Variants in FAM83B observed in about 807,000 individuals in gnomAD.
The protein encoded by FAM83B is protein FAM83B.
Under a neutral mutation model 38.8 loss-of-function variants are expected in FAM83B, and 26 were observed. That is an observed-to-expected ratio of 0.67 (90% CI 0.49 to 0.93). The LOEUF (loss-of-function observed/expected upper bound fraction) is 0.93, where lower values mean the gene tolerates loss of function less well. Ranked by LOEUF, FAM83B falls within the 40% of genes least tolerant of loss-of-function variation. The probability of loss-of-function intolerance (pLI) is 0.00; values close to 1 mark genes in which losing one functional copy is unlikely to be tolerated. For missense variants in FAM83B, 1,237 were observed against 1,197.3 expected (o/e 1.03, Z -0.49); for synonymous variants, 419 against 423.1 (o/e 0.99, Z 0.12).
intron 2 of FAM83B, among the ~76,000 whole-genome samples, chr6:54,880,902 C>G (rs1028045305): frequency 6.6e-6 from 1 of 152,070 alleles, no homozygotes; most frequent in African/African-American, 2.4e-5. Flanking sequence ...TAGAGACATA[C>G]ATGTATACAC....
At chr6:54,918,169 A>G (rs1773089320) in intron 2 of FAM83B, among the ~76,000 whole-genome samples, 1 of 152,194 alleles carries the variant, frequency 6.6e-6, no homozygotes, top group South Asian at 2.1e-4. Context: ...ACTATAACAT[A>G]CACTTTGAAA....
intron 1 of FAM83B, among the ~76,000 whole-genome samples, chr6:54,859,486 T>C (rs952594683): frequency 1.3e-5 from 2 of 152,228 alleles, no homozygotes; most frequent in Non-Finnish European, 2.9e-5. Context: ...ATTATGTACT[T>C]ACTGAGCATT....
At chr6:54,933,073 T>G (rs993778849) in intron 4 of FAM83B, among the ~76,000 whole-genome samples, 1 of 152,126 alleles carries the variant, frequency 6.6e-6, no homozygotes, top group African/African-American at 2.4e-5. Context: ...TCTGAGCTTC[T>G]CATAATGCAA....
intron 2 of FAM83B, among the ~76,000 whole-genome samples, chr6:54,886,116 C>G (rs543984091): frequency 2.5e-4 from 38 of 152,002 alleles, no homozygotes; most frequent in African/African-American, 8.9e-4. Flanking sequence ...AAGATATCAC[C>G]AATGCAATCC....
rs1772492558 is a variant in FAM83B at position 54,894,802 on chromosome 6, A to T, written c.444+24112A>T. Among the ~76,000 whole-genome samples the T allele has an allele frequency of 2.6e-5, 4 of 152,130 alleles. No homozygotes were observed. In the South Asian group the frequency reaches 8.3e-4, roughly 31 times the overall value. On this transcript the variant is annotated intron_variant, in intron 2 of 4. Transcript: ENST00000306858. ...ACTTAGAAGCAGGGACAAATCTGAT[A>T]TTGTGGTTTTTGAAAAGACACTGTG...
At chr6:54,927,749 AAAAAAG>A in intron 4 of FAM83B, 117 bp downstream of exon 4, 21 of 935,368 alleles carry the variant, frequency 2.2e-5, no homozygotes, top group South Asian at 3.3e-5. Context: ...AAAAAAAAAA[AAAAAAG>A]AGAACACTTG....
intron 1 of FAM83B, among the ~76,000 whole-genome samples, chr6:54,855,653 A>G (rs1473155437): frequency 6.6e-6 from 1 of 152,194 alleles, no homozygotes; most frequent in Non-Finnish European, 1.5e-5. Context: ...AAGAATTAGA[A>G]TAAGACATTT....
intron 2 of FAM83B, among the ~76,000 whole-genome samples, chr6:54,893,585 A>T (rs1772453261): frequency 6.6e-6 from 1 of 152,136 alleles, no homozygotes; most frequent in South Asian, 2.1e-4. Context: ...CACATTTCTG[A>T]TTATGCTGTA....
rs1180539604 is a variant in FAM83B at position 54,941,484 on chromosome 6, C to G, written c.2513C>G (p.Ser838Cys). ...PRRKHSSSSN[S>C]QGSIHKSKED... Reference sequence around the variant, plus strand: ...AGAAAGCATTCTTCCTCATCGAATTCTCAAGGCAGCATCCACAAGAGTAAG... The same window carrying G: ...AGAAAGCATTCTTCCTCATCGAATTGTCAAGGCAGCATCCACAAGAGTAAG... Residue 838 changes from serine (S) to cysteine (C), a missense_variant, in exon 5 of 5, where the codon TCT becomes TGT. Ser to Cys is a moderately radical substitution (Grantham distance 112). Coordinates refer to ENST00000306858, the MANE Select transcript of FAM83B (RefSeq NM_001010872.3). 1.2e-6 allele frequency: 2 copies of G among 1,613,934 alleles called. No individual in the cohort carries two copies. The highest frequency in any genetic ancestry group is 2.2e-5 in the South Asian group (2 of 91,042).
intron 2 of FAM83B, among the ~76,000 whole-genome samples, chr6:54,905,865 T>C (rs779338565): frequency 2.0e-5 from 3 of 152,062 alleles, no homozygotes; most frequent in Non-Finnish European, 2.9e-5. Context: ...ATTTCTGTTT[T>C]TCCCCATTTG....
At position 54,933,258 on chromosome 6, in the gene FAM83B, C is replaced by T. The variant is rs533885660; in HGVS notation, c.734+5626C>T. Reference sequence around the variant, plus strand: ...TGTTGAATCCTTCTAATGAATTATTCAGTTATATTATTTTTTCAGTTCCAG... The same window carrying T: ...TGTTGAATCCTTCTAATGAATTATTTAGTTATATTATTTTTTCAGTTCCAG... On this transcript the variant is annotated intron_variant, in intron 4 of 4. Coordinates refer to ENST00000306858, the MANE Select transcript of FAM83B (RefSeq NM_001010872.3). 8.6e-5 allele frequency among the ~76,000 whole-genome samples: 13 copies of T among 151,316 alleles called. No homozygotes were observed. The South Asian group carries it at 1.3e-3, about 15-fold the overall frequency.
intron 2 of FAM83B, among the ~76,000 whole-genome samples, chr6:54,884,320 A>T (rs1260294181): frequency 7.4e-6 from 1 of 134,504 alleles, no homozygotes; most frequent in Non-Finnish European, 1.7e-5. Flanking sequence ...AAAAAAAAAG[A>T]GAAAAATAGA....
chr6:54,926,756 G>A (rs575752729), intron 3 of FAM83B, among the ~76,000 whole-genome samples: 5 of 152,112 alleles, frequency 3.3e-5, no homozygotes, highest in South Asian at 4.2e-4. Context: ...TTTTTGAGAC[G>A]GAGTCTTGCT....
intron 2 of FAM83B, among the ~76,000 whole-genome samples, chr6:54,880,792 T>C (rs1016809804): frequency 2.0e-5 from 3 of 152,132 alleles, no homozygotes; most frequent in Non-Finnish European, 4.4e-5. Flanking sequence ...ATAGTCAATA[T>C]GGAAAAATTC....
In FAM83B at chr6:54,941,776, T is replaced by A; in HGVS notation, c.2805T>A (p.Ser935Arg). ...RSHSTDRRVY[S>R]RFEPFCKIES... Reference sequence around the variant, plus strand: ...ATTCAACTGATCGGCGTGTTTACAGTCGTTTTGAGCCGTTTTGTAAGATTG... The same window carrying A: ...ATTCAACTGATCGGCGTGTTTACAGACGTTTTGAGCCGTTTTGTAAGATTG... Residue 935 changes from serine (S) to arginine (R), a missense_variant, in exon 5 of 5, where the codon AGT (serine) becomes AGA (arginine). Transcript: ENST00000306858. 1 of 1,614,112 alleles carries A rather than the reference T, an allele frequency of 6.2e-7. No individual in the cohort carries two copies. Among genetic ancestry groups the A allele is most frequent in the Non-Finnish European group, 8.5e-7 (1 of 1,180,012 alleles).
At chr6:54,882,087 A>ATG (rs76174015) in intron 2 of FAM83B, among the ~76,000 whole-genome samples, 56,082 of 151,974 alleles carry the variant, frequency 0.37, 12,584 homozygotes, top group Non-Finnish European at 0.51. Context: ...TGCAAAGGAC[A>ATG]TGAACTCATC....
intron 2 of FAM83B, among the ~76,000 whole-genome samples, chr6:54,884,025 C>G (rs1404410259): frequency 1.3e-5 from 2 of 151,782 alleles, no homozygotes; most frequent in African/African-American, 4.8e-5. Flanking sequence ...CAAAGAAGAC[C>G]AGGCATGGTG....
chr6:54,883,507 T>C (rs1772189693), intron 2 of FAM83B, among the ~76,000 whole-genome samples: 1 of 151,632 alleles, frequency 6.6e-6, no homozygotes, highest in South Asian at 2.1e-4. Context: ...GCTAATTTTT[T>C]GTATTTTTAG....
chr6:54,936,686 A>G (rs1039099034), intron 4 of FAM83B, among the ~76,000 whole-genome samples: 3 of 150,674 alleles, frequency 2.0e-5, no homozygotes, highest in Non-Finnish European at 4.4e-5. Flanking sequence ...TCCCTTTTCC[A>G]TATTTCTCCC....
Sources: gnomAD v4.1 joint callset for allele counts (sites outside exome capture counted in the v4.1 genomes callset) on GRCh38, gnomAD v4.1.1 for gene constraint, MANE v1.5 for transcripts, NCBI Gene and HGNC (gene_info 2026-07-23, HGNC 2026-07-21) for gene names.